The following SPRY3 variants were observed in gnomAD, a reference collection of about 807,000 sequenced individuals.
SPRY3 encodes protein sprouty homolog 3.
In SPRY3, 15 loss-of-function variants were observed where a neutral mutation model predicts 20.2. The observed-to-expected ratio is 0.74, with a 90% CI of 0.50 to 1.14. SPRY3 has a LOEUF of 1.14. SPRY3 is among the 50% of genes most tolerant of loss of function. The probability of loss-of-function intolerance (pLI) is 0.00; values close to 1 mark genes in which losing one functional copy is unlikely to be tolerated. For synonymous variants in SPRY3, 143 were observed against 136.5 expected (o/e 1.05, Z -0.33); for missense variants, 364 against 363.9 (o/e 1.00, Z 0.00).
At chrX:155,738,335 G>T (rs1233953898) in intron 2 of SPRY3, among the ~76,000 whole-genome samples, 8 of 125,150 alleles carry the variant, frequency 6.4e-5, no homozygotes, top group African/African-American at 3.0e-4. Flanking sequence ...AAGTGTGCTT[G>T]GAACTCAACA....
intron 1 of SPRY3, among the ~76,000 whole-genome samples, chrX:155,634,262 T>C (rs1009987488): frequency 1.7e-4 from 19 of 111,297 alleles, no homozygotes; most frequent in African/African-American, 6.2e-4. Context: ...ACAAGTTGAC[T>C]GCGTAGGATA....
chrX:155,739,945 C>T, intron 2 of SPRY3, among the ~76,000 whole-genome samples: 2 of 152,194 alleles, frequency 1.3e-5, no homozygotes, highest in East Asian at 3.9e-4. Flanking sequence ...CCAACAAGGG[C>T]ACAGAACTGG....
At chrX:155,760,476 T>C (rs1270826687) in intron 2 of SPRY3, among the ~76,000 whole-genome samples, 1 of 152,122 alleles carries the variant, frequency 6.6e-6, no homozygotes, top group Middle Eastern at 3.2e-3. Flanking sequence ...TTCAGGTGCT[T>C]AGATCCTTTT....
rs971612639 is a variant in SPRY3, at chrX:155,716,966, T to C, written c.-281-50996T>C. Among the ~76,000 whole-genome samples, 41 of 107,370 alleles carry C rather than the reference T, an allele frequency of 3.8e-4. No individual in the cohort carries two copies. In the East Asian group the frequency reaches 9.5e-3, roughly 25 times the overall value. The allele number at this position is 107,370 out of a possible 152,430, so 70.4% of individuals were successfully genotyped here. A position where few individuals can be genotyped will look rare whatever the true frequency, so the allele number is the denominator to read the frequency against. ...CTGGGCAACACGGTGAAACCCTGTTTCCACTAAAATACAAAATATATATAT... is the reference window on the plus strand; with the variant it reads ...CTGGGCAACACGGTGAAACCCTGTTCCCACTAAAATACAAAATATATATAT... On this transcript the variant is annotated intron_variant, in intron 2 of 3. Coordinates refer to ENST00000675360, the Ensembl canonical transcript of SPRY3.
exon 4 of SPRY3, chrX:155,775,777 C>G (rs1302986814): frequency 2.4e-5 from 4 of 167,038 alleles, no homozygotes; most frequent in Non-Finnish European, 4.4e-5. Flanking sequence ...TGCTTTATAG[C>G]TAAATGAACA....
At position 155,716,985 on chromosome X, in the gene SPRY3, T is replaced by A. The variant is rs1316440576; in HGVS notation, c.-281-50977T>A. Among the ~76,000 whole-genome samples, 37 of 67,234 alleles carry A rather than the reference T, an allele frequency of 5.5e-4. 1 individual carries two copies. The highest frequency in any genetic ancestry group is 8.5e-4 in the Admixed American group (6 of 7,082). The allele number at this position is 67,234 out of a possible 152,430, so 44.1% of individuals were successfully genotyped here. On this transcript the variant is annotated intron_variant, in intron 2 of 3. Coordinates refer to ENST00000675360, the Ensembl canonical transcript of SPRY3. ...CCTGTTTCCACTAAAATACAAAATA[T>A]ATATATATATATATATATATATATA...
intron 2 of SPRY3, among the ~76,000 whole-genome samples, chrX:155,683,524 A>G (rs190395613): frequency 2.4e-4 from 27 of 112,393 alleles, no homozygotes; most frequent in African/African-American, 8.1e-4. Context: ...TAATTTTACA[A>G]TGAATATACT....
chrX:155,753,141 A>G (rs975391034), intron 2 of SPRY3, among the ~76,000 whole-genome samples: 2 of 151,888 alleles, frequency 1.3e-5, no homozygotes, highest in Non-Finnish European at 2.9e-5. Context: ...AATGTGCACA[A>G]TTTAATAGTT....
intron 2 of SPRY3, among the ~76,000 whole-genome samples, chrX:155,720,871 C>T (rs2091053284): frequency 6.6e-6 from 1 of 152,188 alleles, no homozygotes; most frequent in East Asian, 1.9e-4. Flanking sequence ...CTCTTCAATG[C>T]CCAGACACAG....
intron 2 of SPRY3, among the ~76,000 whole-genome samples, chrX:155,758,754 G>C (rs1354912705): frequency 6.6e-6 from 1 of 152,146 alleles, no homozygotes; most frequent in African/African-American, 2.4e-5. Flanking sequence ...TTATAAGAGA[G>C]AATTGATTGG....
intron 1 of SPRY3, among the ~76,000 whole-genome samples, chrX:155,616,132 T>TCTC (rs2067852073): frequency 1.3e-4 from 4 of 29,721 alleles, no homozygotes; most frequent in Admixed American, 4.3e-4. Context: ...CTCTCTCTCC[T>TCTC]CTCTCTCTCT....
intron 2 of SPRY3, among the ~76,000 whole-genome samples, chrX:155,695,653 T>A (rs918749911): frequency 4.5e-5 from 5 of 111,165 alleles, no homozygotes; most frequent in Non-Finnish European, 9.4e-5. Flanking sequence ...CATTTTAAAA[T>A]ATTTTTTCCT....
At chrX:155,726,873 C>A (rs1047832017) in intron 2 of SPRY3, among the ~76,000 whole-genome samples, 1 of 152,122 alleles carries the variant, frequency 6.6e-6, no homozygotes, top group African/African-American at 2.4e-5. Flanking sequence ...ATGATGTTAG[C>A]TGGTTATTTT....
intron 2 of SPRY3, among the ~76,000 whole-genome samples, chrX:155,727,077 G>A (rs1463938252): frequency 2.6e-5 from 4 of 152,094 alleles, no homozygotes; most frequent in Non-Finnish European, 5.9e-5. Context: ...AGTTTGGCTG[G>A]ATAAGAAACT....
At chrX:155,644,918 G>A (rs782772767) in intron 1 of SPRY3, among the ~76,000 whole-genome samples, 28 of 110,989 alleles carry the variant, frequency 2.5e-4, no homozygotes, top group South Asian at 1.1e-3. Context: ...ATCACTTCCC[G>A]TAGCCACCAC....
intron 2 of SPRY3, among the ~76,000 whole-genome samples, chrX:155,724,284 A>G (rs2091082847): frequency 6.6e-6 from 1 of 152,128 alleles, no homozygotes; most frequent in African/African-American, 2.4e-5. Context: ...TTTTGGTTCC[A>G]TATGAACTTT....
chrX:155,766,621 C>G (rs1238809267), intron 2 of SPRY3, among the ~76,000 whole-genome samples: 1 of 152,152 alleles, frequency 6.6e-6, no homozygotes, highest in Non-Finnish European at 1.5e-5. Context: ...CTGCTGTCAT[C>G]CAAGTTCTTC....
At chrX:155,710,284 C>T (rs1338726813) in intron 2 of SPRY3, among the ~76,000 whole-genome samples, 1 of 151,688 alleles carries the variant, frequency 6.6e-6, no homozygotes, top group Non-Finnish European at 1.5e-5. Context: ...TTGATTCTTC[C>T]AATCCATAAA....
intron 1 of SPRY3, among the ~76,000 whole-genome samples, chrX:155,613,509 A>C (rs1459245083): frequency 3.6e-5 from 4 of 111,914 alleles, no homozygotes; most frequent in African/African-American, 1.3e-4. Context: ...TAAGAACAAC[A>C]AAAAAAATCA....
Sources: gnomAD v4.1 joint callset for allele counts (sites outside exome capture counted in the v4.1 genomes callset) on GRCh38, gnomAD v4.1.1 for gene constraint, MANE v1.5 for transcripts, NCBI Gene and HGNC (gene_info 2026-07-23, HGNC 2026-07-21) for gene names.